The following MCC variants were observed in gnomAD, a reference collection of about 807,000 sequenced individuals.
MCC encodes the protein MCC regulator of Wnt signaling pathway.
In MCC, 90 loss-of-function variants were observed where a neutral mutation model predicts 116.2. That is an observed-to-expected ratio of 0.77 (90% CI 0.65 to 0.92). MCC has a LOEUF of 0.92. Ranked by LOEUF, MCC falls within the 40% of genes least tolerant of loss-of-function variation. The probability of loss-of-function intolerance (pLI) is 0.00; values close to 1 mark genes in which losing one functional copy is unlikely to be tolerated. For synonymous variants in MCC, 578 were observed against 510.5 expected, an observed-to-expected ratio of 1.13 and a Z score of -1.78; for missense variants, 1,516 against 1,312.2, an observed-to-expected ratio of 1.16 and a Z score of -2.40.
chr5:113,332,036 CTT>C (rs1767709459), intron 3 of MCC, among the ~76,000 whole-genome samples: 1 of 151,640 alleles, frequency 6.6e-6, no homozygotes, highest in Non-Finnish European at 1.5e-5. Context: ...ACAACGTCAT[CTT>C]GAGACAGCTC....
intron 3 of MCC, among the ~76,000 whole-genome samples, chr5:113,333,942 AAG>A (rs1767808861): frequency 3.9e-5 from 1 of 25,738 alleles, no homozygotes; most frequent in South Asian, 6.8e-4. Context: ...GAGGGAAGAC[AAG>A]GAGACAAATG....
intron 3 of MCC, among the ~76,000 whole-genome samples, chr5:113,207,018 T>C (rs1762941997): frequency 6.6e-6 from 1 of 152,188 alleles, no homozygotes; most frequent in African/African-American, 2.4e-5. Flanking sequence ...ACTCCATTAA[T>C]TCAAATGAGA....
At chr5:113,398,205 G>A (rs902339957) in intron 1 of MCC, among the ~76,000 whole-genome samples, 3 of 152,314 alleles carry the variant, frequency 2.0e-5, no homozygotes, top group East Asian at 3.9e-4. Context: ...TGAGGCTGTG[G>A]AGAAAGGGGA....
intron 3 of MCC, among the ~76,000 whole-genome samples, chr5:113,236,337 A>G (rs1764130930): frequency 6.6e-6 from 1 of 152,256 alleles, no homozygotes; most frequent in African/African-American, 2.4e-5. Context: ...AATAAATTCT[A>G]GAAATGCTGG....
At chr5:113,223,833 T>A (rs981095385) in intron 3 of MCC, among the ~76,000 whole-genome samples, 6 of 152,056 alleles carry the variant, frequency 3.9e-5, no homozygotes, top group Non-Finnish European at 7.4e-5. Flanking sequence ...AACCAACAAA[T>A]AAGTACTTCA....
intron 1 of MCC, among the ~76,000 whole-genome samples, chr5:113,397,402 A>G (rs1160933132): frequency 6.6e-6 from 1 of 152,206 alleles, no homozygotes; most frequent in Non-Finnish European, 1.5e-5. Flanking sequence ...TAATTCTCAT[A>G]TCTGAAAAAA....
rs138895959 is a variant in MCC at position 113,250,045 on chromosome 5, A to T, written c.627+90474T>A. On this transcript the variant is annotated intron_variant, in intron 3 of 18. Transcript: ENST00000408903. ...GAAGAAACATCTGAAAGGAAAAAAA[A>T]CTTCCTTGGCATGCTGAAACCCAAA... Among the ~76,000 whole-genome samples, 805 of 152,318 alleles carry T rather than the reference A, an allele frequency of 5.3e-3. 6 individuals are homozygous for T. Among genetic ancestry groups the T allele is most frequent in the African/African-American group, 0.018 (768 of 41,560 alleles).
At chr5:113,121,550 G>A (rs536384036) in intron 6 of MCC, among the ~76,000 whole-genome samples, 2 of 152,196 alleles carry the variant, frequency 1.3e-5, no homozygotes, top group Admixed American at 6.5e-5. Context: ...GAGGTCAAAC[G>A]CCTTCCTAGA....
intron 16 of MCC, 58 bp downstream of exon 16, chr5:113,049,035 G>A (rs1163450325): frequency 1.1e-6 from 1 of 878,538 alleles, no homozygotes; most frequent in Admixed American, 3.1e-5. Flanking sequence ...AGTGGTCACT[G>A]GGCAGTCACT....
At chr5:113,282,361 T>C (rs1307103015) in intron 3 of MCC, among the ~76,000 whole-genome samples, 1 of 152,222 alleles carries the variant, frequency 6.6e-6, no homozygotes, top group Non-Finnish European at 1.5e-5. Flanking sequence ...GGCAGCTTTA[T>C]CAGCATCAGA....
intron 3 of MCC, among the ~76,000 whole-genome samples, chr5:113,318,017 A>G (rs1767329040): frequency 6.6e-6 from 1 of 152,210 alleles, no homozygotes; most frequent in Non-Finnish European, 1.5e-5. Context: ...AAAGGAAGCA[A>G]ATCAATTATG....
At chr5:113,113,348 C>T (rs897065567) in intron 6 of MCC, among the ~76,000 whole-genome samples, 3 of 152,080 alleles carry the variant, frequency 2.0e-5, no homozygotes, top group Admixed American at 6.5e-5. Context: ...TTAATTCCAT[C>T]GAGGAACAAA....
intron 9 of MCC, 95 bp downstream of exon 9, chr5:113,085,069 G>T: frequency 6.4e-7 from 1 of 1,555,722 alleles, no homozygotes; most frequent in Non-Finnish European, 8.9e-7. Context: ...TGCTGTCTCA[G>T]CTAAGGGCAT....
intron 3 of MCC, among the ~76,000 whole-genome samples, chr5:113,248,460 G>GT (rs1764657240): frequency 6.6e-6 from 1 of 152,126 alleles, no homozygotes; most frequent in African/African-American, 2.4e-5. Flanking sequence ...TTATATCTGA[G>GT]TAAAGTCGAT....
At chr5:113,095,429 G>T (rs1269001752) in intron 8 of MCC, among the ~76,000 whole-genome samples, 1 of 152,240 alleles carries the variant, frequency 6.6e-6, no homozygotes, top group East Asian at 1.9e-4. Context: ...TAGGATTCTG[G>T]AGCAGATTAA....
chr5:113,108,960 T>C (rs1477353326), intron 6 of MCC, among the ~76,000 whole-genome samples: 1 of 152,156 alleles, frequency 6.6e-6, no homozygotes, highest in Non-Finnish European at 1.5e-5. Flanking sequence ...GTTTGGAGCC[T>C]CACAGGAGGA....
chr5:113,467,912 T>G (rs1293781931), intron 1 of MCC, among the ~76,000 whole-genome samples: 1 of 152,176 alleles, frequency 6.6e-6, no homozygotes, highest in Admixed American at 6.5e-5. Flanking sequence ...CCCTTGTAAG[T>G]TGGATTCCTA....
chr5:113,260,743 T>A (rs902081680), intron 3 of MCC, among the ~76,000 whole-genome samples: 1 of 151,658 alleles, frequency 6.6e-6, no homozygotes, highest in Non-Finnish European at 1.5e-5. Flanking sequence ...GCCTACACAT[T>A]TTTTTTTAGA....
In MCC at chr5:113,120,024, T is replaced by A. The variant is rs531753189; in HGVS notation, c.1027+2660A>T. On this transcript the variant is annotated intron_variant, in intron 6 of 18. Coordinates refer to ENST00000408903, the MANE Select transcript of MCC (RefSeq NM_001085377.2). ...CTTGCACTTCCCAAACTTATTTAAT[T>A]ATGGAACTTTGTTGGAGTACAGGTC... Among the ~76,000 whole-genome samples the A allele has an allele frequency of 2.6e-5, 4 of 152,360 alleles. No individual in the cohort carries two copies. In the South Asian group the frequency reaches 6.2e-4, roughly 24 times the overall value.
Sources: allele counts gnomAD v4.1 joint callset (sites outside exome capture counted in the v4.1 genomes callset), GRCh38; gene constraint gnomAD v4.1.1; transcripts MANE v1.5; gene names NCBI Gene and HGNC (gene_info 2026-07-23, HGNC 2026-07-21).